ITSN2: variants seen among roughly 807,000 people sequenced by gnomAD.
The protein encoded by ITSN2 is intersectin 2, also known as intersectin-2.
A neutral mutation model predicts 243.7 loss-of-function variants in ITSN2; 156 were observed. That is an observed-to-expected ratio of 0.64 (90% confidence interval 0.56 to 0.73). ITSN2 has a LOEUF of 0.73. Among genes scored for constraint, ITSN2 ranks in the 30% least tolerant of loss-of-function variants. ITSN2 has a pLI of 0.00. For synonymous variants in ITSN2, 703 were observed against 699.9 expected (o/e 1.00, Z -0.07); for missense variants, 1,801 against 1,996.1 (o/e 0.90, Z 1.86).
intron 37 of ITSN2, among the ~76,000 whole-genome samples, chr2:24,206,490 A>G (rs1668895352): frequency 6.7e-6 from 1 of 148,928 alleles, no homozygotes; most frequent in Admixed American, 6.7e-5. Flanking sequence ...CTGGAGATGC[A>G]GCAGGGAGGT....
At chr2:24,289,625 C>A (rs1679978034) in intron 15 of ITSN2, among the ~76,000 whole-genome samples, 1 of 152,174 alleles carries the variant, frequency 6.6e-6, no homozygotes, top group African/African-American at 2.4e-5. Context: ...GCTAGTACTT[C>A]CAGCATTACG....
At chr2:24,353,894 C>G (rs1200906220) in intron 1 of ITSN2, among the ~76,000 whole-genome samples, 2 of 151,924 alleles carry the variant, frequency 1.3e-5, no homozygotes, top group Non-Finnish European at 2.9e-5. Context: ...ATATACTAAG[C>G]CAAGTATCAT....
intron 24 of ITSN2, among the ~76,000 whole-genome samples, 174 bp downstream of exon 24, chr2:24,254,193 T>C (rs923446220): frequency 2.0e-5 from 3 of 152,208 alleles, no homozygotes; most frequent in Admixed American, 1.3e-4. Context: ...TTCTATATTC[T>C]CAATATTCAT....
intron 30 of ITSN2, among the ~76,000 whole-genome samples, chr2:24,220,034 G>A (rs778172909): frequency 2.6e-5 from 4 of 152,118 alleles, no homozygotes; most frequent in Non-Finnish European, 5.9e-5. Flanking sequence ...GTGCCATATA[G>A]TTTGCATGGG....
At chr2:24,328,191 G>T in intron 1 of ITSN2, 76 bp from the exon 2 acceptor site, 1 of 1,008,960 alleles carries the variant, frequency 9.9e-7, no homozygotes. Context: ...CTAAGCAGTA[G>T]GAATGTCTGT....
chr2:24,312,118 A>G, intron 5 of ITSN2, 94 bp downstream of exon 5: 1 of 1,030,758 alleles, frequency 9.7e-7, no homozygotes, highest in South Asian at 2.1e-5. Flanking sequence ...GGGGACTGTC[A>G]TTTTGTGCTA....
At chr2:24,351,040 C>T (rs187233030) in intron 1 of ITSN2, among the ~76,000 whole-genome samples, 2 of 152,278 alleles carry the variant, frequency 1.3e-5, no homozygotes, top group Admixed American at 6.5e-5. Context: ...AATCTATTCA[C>T]GTGACATACA....
chr2:24,293,580 G>T, intron 15 of ITSN2, 108 bp downstream of exon 15: 1 of 476,010 alleles, frequency 2.1e-6, no homozygotes, highest in South Asian at 3.7e-5. Context: ...CAGGCAAAAA[G>T]TGTTATTTAT....
chr2:24,306,437 C>A (rs1682545666), intron 8 of ITSN2, among the ~76,000 whole-genome samples: 1 of 152,146 alleles, frequency 6.6e-6, no homozygotes, highest in South Asian at 2.1e-4. Flanking sequence ...TGTTCTTCAG[C>A]CTCATATAAA....
chr2:24,219,473 G>A (rs1670253838), intron 30 of ITSN2, among the ~76,000 whole-genome samples: 1 of 152,210 alleles, frequency 6.6e-6, no homozygotes, highest in South Asian at 2.1e-4. Context: ...TGGAGGGACA[G>A]GGAAGAGTCT....
At chr2:24,328,767 G>A (rs1161722252) in intron 1 of ITSN2, among the ~76,000 whole-genome samples, 1 of 152,078 alleles carries the variant, frequency 6.6e-6, no homozygotes, top group African/African-American at 2.4e-5. Flanking sequence ...CCAGCCCATA[G>A]TATCATTTTT....
chr2:24,287,800 G>T (rs1013784024), intron 15 of ITSN2, among the ~76,000 whole-genome samples: 1 of 152,044 alleles, frequency 6.6e-6, no homozygotes, highest in Non-Finnish European at 1.5e-5. Flanking sequence ...GATTAATAAT[G>T]TTGAGTCCCT....
At chr2:24,219,681 A>G (rs1485662538) in intron 30 of ITSN2, among the ~76,000 whole-genome samples, 1 of 152,118 alleles carries the variant, frequency 6.6e-6, no homozygotes, top group Non-Finnish European at 1.5e-5. Flanking sequence ...CCCAGACCTG[A>G]TGCTTCACTC....
chr2:24,261,126 C>A lies in ITSN2; in HGVS notation c.2662G>T (p.Val888Leu), dbSNP rs775781759. ...CATACCTGTCCATGAATAGGTGATA[C>A]AGATCCAGGGGACACAGTTCGAGTG... ...AFTRTVSPGS[V>L]SPIHGQGQVV... The change falls in exon 22 of 40, where the codon GTA (valine) becomes TTA (leucine). Residue 888 changes from valine to leucine, a missense_variant. Transcript: ENST00000355123. The A allele has an allele frequency of 6.2e-7, 1 of 1,613,628 alleles. No homozygotes were observed. Among genetic ancestry groups the A allele is most frequent in the South Asian group, 1.1e-5 (1 of 91,014 alleles).
Position 24,252,460 on chromosome 2 carries a change from A to C in ITSN2, c.3005T>G (p.Phe1002Cys). The part of the protein sequence containing the change: ...YSSVEPGDLT[F>C]TEGEEILVTQ... The stretch of plus-strand genomic sequence containing the variant: ...CACCAATATTTCTTCACCTTCTGTG[A>C]AAGTCAAATCTCCAGGTTCCACACT... The change falls in exon 25 of 40, where the codon TTC (phenylalanine) becomes TGC (cysteine). Residue 1002 changes from phenylalanine (F) to cysteine (C), a missense_variant. Around this residue, in one of 5 missense-constraint regions of ITSN2, gnomAD observed 928 missense variants for 1,065.4 expected, o/e 0.87. Coordinates refer to ENST00000355123, the MANE Select transcript of ITSN2 (RefSeq NM_006277.3). The C allele has an allele frequency of 2.5e-6, 4 of 1,612,878 alleles. No individual in the cohort carries two copies. Among genetic ancestry groups the C allele is most frequent in the Non-Finnish European group, 3.4e-6 (4 of 1,179,030 alleles).
At chr2:24,237,795 T>C (rs751180493) in intron 29 of ITSN2, among the ~76,000 whole-genome samples, 1 of 152,274 alleles carries the variant, frequency 6.6e-6, no homozygotes, top group South Asian at 2.1e-4. Context: ...ATGGGAGGCT[T>C]TGAAAGATCC....
intron 38 of ITSN2, among the ~76,000 whole-genome samples, 199 bp downstream of exon 38, chr2:24,205,015 T>C (rs1475967891): frequency 6.6e-6 from 1 of 151,998 alleles, no homozygotes; most frequent in Non-Finnish European, 1.5e-5. Flanking sequence ...GGCGTGGTGG[T>C]GCACACCTGT....
chr2:24,297,997 T>G (rs1466205727), intron 13 of ITSN2, among the ~76,000 whole-genome samples: 1 of 152,000 alleles, frequency 6.6e-6, no homozygotes, highest in East Asian at 1.9e-4. Flanking sequence ...TCTTTTTTTT[T>G]TTTTTGAGAT....
rs750189760 is a variant in ITSN2, at chr2:24,257,875, T to C, written c.2888+13A>G. On this transcript the variant is annotated intron_variant, in intron 23 of 39. Transcript: ENST00000355123. ...AACATCCACATCTCATGAAAACACA[T>C]AAAGATGCTTACTCTTCCCGTTTTA... is the stretch of plus-strand genomic sequence containing the variant. 24 of 1,597,648 alleles carry C rather than the reference T, an allele frequency of 1.5e-5. No individual in the cohort carries two copies. Among genetic ancestry groups the C allele is most frequent in the Non-Finnish European group, 1.8e-5 (21 of 1,165,260 alleles).
Sources: gnomAD v4.1 joint callset for allele counts (sites outside exome capture counted in the v4.1 genomes callset) on GRCh38, gnomAD v4.1.1 for gene constraint, gnomAD v4.1.1 regional missense constraint, MANE v1.5 for transcripts, NCBI Gene and HGNC (gene_info 2026-07-23, HGNC 2026-07-21) for gene names.